PDE7B: variants seen among roughly 807,000 people sequenced by gnomAD.
PDE7B encodes phosphodiesterase 7B, also known as 3',5'-cyclic-AMP phosphodiesterase 7B.
PDE7B carries 29 observed loss-of-function variants against 56.2 expected under a neutral mutation model. That is an observed-to-expected ratio of 0.52 (90% CI 0.38 to 0.70). The LOEUF (loss-of-function observed/expected upper bound fraction) is 0.70, where lower values mean the gene tolerates loss of function less well. Ranked by LOEUF, PDE7B falls within the 30% of genes least tolerant of loss-of-function variation. The pLI is 0.00. For missense variants in PDE7B, 490 were observed against 565.0 expected (o/e 0.87, Z 1.35); for synonymous variants, 197 against 196.9 (o/e 1.00, Z 0.00).
chr6:136,000,842 G>A lies in PDE7B; in HGVS notation c.82+53318G>A, dbSNP rs1775654541. ...TCCCTGTCTGACAGCTTTAAAGAGA[G>A]CAGTGGTTGTCCCAGCACGCAGCTG... On this transcript the variant is annotated intron_variant, in intron 2 of 12. Transcript: ENST00000308191. Among the ~76,000 whole-genome samples, 4 of 152,206 alleles carry A rather than the reference G, an allele frequency of 2.6e-5. No homozygotes were observed. In the South Asian group the frequency reaches 8.3e-4, roughly 32 times the overall value.
intron 2 of PDE7B, among the ~76,000 whole-genome samples, chr6:135,990,374 G>GC (rs763777275): frequency 1.3e-5 from 2 of 152,144 alleles, no homozygotes; most frequent in Non-Finnish European, 2.9e-5. Flanking sequence ...GGGATTACAG[G>GC]CGTGAGCTAC....
intron 8 of PDE7B, among the ~76,000 whole-genome samples, chr6:136,171,375 T>G (rs1778877213): frequency 6.6e-6 from 1 of 152,198 alleles, no homozygotes; most frequent in African/African-American, 2.4e-5. Flanking sequence ...TCTCAAACCT[T>G]AGTGTACATA....
intron 1 of PDE7B, among the ~76,000 whole-genome samples, chr6:135,944,483 A>G (rs981631030): frequency 6.6e-6 from 1 of 152,114 alleles, no homozygotes; most frequent in Non-Finnish European, 1.5e-5. Context: ...GTAACTTTAC[A>G]AAACAGGGCA....
intron 1 of PDE7B, among the ~76,000 whole-genome samples, chr6:135,930,048 C>A (rs1456287592): frequency 1.3e-5 from 2 of 152,098 alleles, no homozygotes; most frequent in Non-Finnish European, 2.9e-5. Flanking sequence ...TTTCACACTG[C>A]TGATAAAGAC....
chr6:136,055,359 T>C (rs1174241669), intron 2 of PDE7B, among the ~76,000 whole-genome samples: 1 of 152,228 alleles, frequency 6.6e-6, no homozygotes, highest in Non-Finnish European at 1.5e-5. Context: ...TATTCTTTAC[T>C]TCTACTTTTT....
intron 1 of PDE7B, among the ~76,000 whole-genome samples, chr6:135,867,200 G>C (rs1157385262): frequency 6.6e-6 from 1 of 152,086 alleles, no homozygotes; most frequent in Admixed American, 6.6e-5. Context: ...TTTTAAAACT[G>C]TGTTTGCTAT....
chr6:135,853,947 T>G (rs1774980401), intron 1 of PDE7B, among the ~76,000 whole-genome samples: 1 of 152,222 alleles, frequency 6.6e-6, no homozygotes, highest in Non-Finnish European at 1.5e-5. Context: ...TTAAATAATT[T>G]TGGTCTTTTC....
At chr6:136,037,800 A>G in intron 2 of PDE7B, 1 of 985,472 alleles carries the variant, frequency 1.0e-6, no homozygotes, top group Non-Finnish European at 1.2e-6. Flanking sequence ...CTAAGAGTCA[A>G]CAAACTTTGA....
Position 136,141,867 on chromosome 6 carries a change from C to T in PDE7B, c.167-5484C>T, listed in dbSNP as rs138066206. ...TGATTCTTCTCTCTTATTCGTCTTGCGAGCAGTCTATCAATTTTGTTGATC... is the reference window on the plus strand; with the variant it reads ...TGATTCTTCTCTCTTATTCGTCTTGTGAGCAGTCTATCAATTTTGTTGATC... On this transcript the variant is annotated intron_variant, in intron 3 of 12. Coordinates refer to ENST00000308191, the MANE Select transcript of PDE7B (RefSeq NM_018945.4). 1.1e-3 allele frequency among the ~76,000 whole-genome samples: 172 copies of T among 151,374 alleles called. No homozygotes were observed. The East Asian group carries it at 0.03, about 26-fold the overall frequency.
At chr6:135,992,920 G>A (rs1458548911) in intron 2 of PDE7B, 7 of 152,222 alleles carry the variant, frequency 4.6e-5, no homozygotes, top group South Asian at 4.1e-4. Flanking sequence ...TGTGAAGTAA[G>A]TGTAGGGTAA....
At chr6:136,033,397 G>A (rs564237641) in intron 2 of PDE7B, among the ~76,000 whole-genome samples, 2 of 152,284 alleles carry the variant, frequency 1.3e-5, no homozygotes, top group South Asian at 2.1e-4. Context: ...ATAAGTAAAG[G>A]AGGGAGAGGT....
rs868761796 is a variant in PDE7B, at chr6:136,053,374, A to C, written c.83-55357A>C. ...GTTTCCAGCTTCATCCATGTCCCTA[A>C]AAAGGACATGAACTCATCATTTTTT... On this transcript the variant is annotated intron_variant, in intron 2 of 12. Coordinates refer to ENST00000308191, the MANE Select transcript of PDE7B (RefSeq NM_018945.4). Among the ~76,000 whole-genome samples, 40 of 151,796 alleles carry C rather than the reference A, an allele frequency of 2.6e-4. 1 individual carries two copies. In the Middle Eastern group the frequency reaches 0.017, roughly 65 times the overall value.
chr6:136,177,081 A>AC (rs1778989417), intron 9 of PDE7B, among the ~76,000 whole-genome samples: 1 of 151,642 alleles, frequency 6.6e-6, no homozygotes, highest in Admixed American at 6.6e-5. Context: ...ATGTAGGGAA[A>AC]TTTTCATCAG....
intron 8 of PDE7B, among the ~76,000 whole-genome samples, chr6:136,163,700 A>G (rs1778747503): frequency 6.6e-6 from 1 of 152,192 alleles, no homozygotes; most frequent in Non-Finnish European, 1.5e-5. Flanking sequence ...ATGCTTTGCC[A>G]TTTAGGAATT....
At chr6:135,896,646 A>G (rs746706375) in intron 1 of PDE7B, among the ~76,000 whole-genome samples, 4 of 152,120 alleles carry the variant, frequency 2.6e-5, no homozygotes, top group Non-Finnish European at 5.9e-5. Flanking sequence ...AGATGAAAAA[A>G]AGGAGACGCA....
intron 1 of PDE7B, among the ~76,000 whole-genome samples, chr6:135,936,974 G>A (rs1774431832): frequency 6.6e-6 from 1 of 152,216 alleles, no homozygotes; most frequent in South Asian, 2.1e-4. Context: ...AACACACTGT[G>A]TGAGACACTA....
intron 2 of PDE7B, among the ~76,000 whole-genome samples, chr6:136,061,995 A>C (rs1776853224): frequency 6.6e-6 from 1 of 152,220 alleles, no homozygotes; most frequent in African/African-American, 2.4e-5. Flanking sequence ...TCTAGGGATA[A>C]GACAGAAATT....
chr6:135,886,919 T>C (rs1450987440), intron 1 of PDE7B, among the ~76,000 whole-genome samples: 1 of 152,208 alleles, frequency 6.6e-6, no homozygotes, highest in African/African-American at 2.4e-5. Context: ...TAGTTCTACT[T>C]TGAGTTCTTT....
At chr6:136,173,747 C>T in intron 8 of PDE7B, 50 bp from the exon 9 acceptor site, 1 of 1,164,182 alleles carries the variant, frequency 8.6e-7, no homozygotes, top group South Asian at 1.2e-5. Context: ...CATGAAAGAT[C>T]AGTATCTGGC....
Sources: allele counts gnomAD v4.1 joint callset (sites outside exome capture counted in the v4.1 genomes callset), GRCh38; gene constraint gnomAD v4.1.1; transcripts MANE v1.5; gene names NCBI Gene and HGNC (gene_info 2026-07-23, HGNC 2026-07-21).